THSD4: variants seen among roughly 807,000 people sequenced by gnomAD.
THSD4 encodes thrombospondin type 1 domain containing 4, also known as thrombospondin type-1 domain-containing protein 4.
THSD4 carries 69 observed loss-of-function variants against 119.0 expected under a neutral mutation model. The observed-to-expected ratio is 0.58, with a 90% CI of 0.48 to 0.71. The LOEUF (loss-of-function observed/expected upper bound fraction) is 0.71. Ranked by LOEUF, THSD4 falls within the 30% of genes least tolerant of loss-of-function variation. THSD4 has a pLI of 0.00. For synonymous variants in THSD4, 524 were observed against 540.4 expected, an observed-to-expected ratio of 0.97 and a Z score of 0.42; for missense variants, 1,393 against 1,391.1, an observed-to-expected ratio of 1.00 and a Z score of -0.02.
upstream of THSD4, chr15:71,110,854 G>T (rs909861595): frequency 2.5e-6 from 1 of 402,218 alleles, no homozygotes; most frequent in African/African-American, 2.0e-5. Context: ...ATAAATGAAG[G>T]ATAGACGGGA....
At chr15:71,307,206 A>G (rs2045042124) in intron 6 of THSD4, among the ~76,000 whole-genome samples, 1 of 152,176 alleles carries the variant, frequency 6.6e-6, no homozygotes. Context: ...GCCACGTGTT[A>G]AGGCTGGCTC....
intron 3 of THSD4, chr15:71,164,750 A>G: frequency 5.7e-6 from 9 of 1,586,316 alleles, no homozygotes; most frequent in Non-Finnish European, 7.7e-6. Flanking sequence ...ACAAGAAAAA[A>G]AAACTGCGCT....
upstream of THSD4, chr15:71,112,004 C>T: frequency 1.8e-6 from 2 of 1,133,376 alleles, no homozygotes; most frequent in East Asian, 2.6e-5. Flanking sequence ...CATAAGTTTC[C>T]CCCCAAAGGG....
intron 7 of THSD4, among the ~76,000 whole-genome samples, chr15:71,516,792 G>A (rs2048367807): frequency 1.3e-5 from 2 of 152,134 alleles, no homozygotes; most frequent in South Asian, 2.1e-4. Flanking sequence ...CTATCACATA[G>A]CTGTTAAAAT....
At chr15:71,547,347 TGCTAGCTGTTA>T (rs1199994260) in intron 7 of THSD4, 1 of 1,546,072 alleles carries the variant, frequency 6.5e-7, no homozygotes, top group Non-Finnish European at 8.7e-7. Flanking sequence ...CAAGTGCATC[TGCTAGCTGTTA>T]GCACTTGGCA....
chr15:71,560,706 G>A (rs1201007784), intron 7 of THSD4, among the ~76,000 whole-genome samples: 1 of 152,064 alleles, frequency 6.6e-6, no homozygotes, highest in African/African-American at 2.4e-5. Flanking sequence ...TTCTCTGTGT[G>A]GGTATGCTCT....
intron 7 of THSD4, among the ~76,000 whole-genome samples, chr15:71,611,575 G>C (rs2050229354): frequency 6.6e-6 from 1 of 152,214 alleles, no homozygotes; most frequent in Non-Finnish European, 1.5e-5. Flanking sequence ...AGAGCTCCCA[G>C]TCTAGACATA....
rs561983541 is a variant in THSD4, at chr15:71,678,748, C to G, written c.1357+18014C>G. On this transcript the variant is annotated intron_variant, in intron 8 of 17. Coordinates refer to ENST00000261862, the MANE Select transcript of THSD4 (RefSeq NM_024817.3). ...TACCCTACTCTGTCCCCAAGCCAGA[C>G]ACTATTCTCTGAATTAGAAACCATA... Among the ~76,000 whole-genome samples, 6 of 152,324 alleles carry G rather than the reference C, an allele frequency of 3.9e-5. No homozygotes were observed. The East Asian group carries it at 1.2e-3, about 29-fold the overall frequency.
chr15:71,239,860 C>A (rs1375380522), intron 4 of THSD4, among the ~76,000 whole-genome samples: 1 of 152,178 alleles, frequency 6.6e-6, no homozygotes, highest in Non-Finnish European at 1.5e-5. Flanking sequence ...TAGCTCTGAC[C>A]AGCTGTAAGG....
intron 7 of THSD4, among the ~76,000 whole-genome samples, chr15:71,603,754 A>T (rs770496376): frequency 1.3e-4 from 19 of 151,974 alleles, no homozygotes; most frequent in Non-Finnish European, 2.2e-4. Flanking sequence ...GAGAATTTGA[A>T]TTTGACGCAG....
At position 71,428,555 on chromosome 15, in the gene THSD4, C is replaced by T. The variant is rs148370679; in HGVS notation, c.1152+16732C>T. Among the ~76,000 whole-genome samples, 890 of 152,268 alleles carry T rather than the reference C, an allele frequency of 5.8e-3. 8 individuals carry two copies. The highest frequency in any genetic ancestry group is 9.6e-3 in the Non-Finnish European group (650 of 68,030). ...TCGTCACCTGAACACCATATTTGGA[C>T]ATCTCATTTAAATTCCTGGCAAAAT... On this transcript the variant is annotated intron_variant, in intron 7 of 17. Transcript: ENST00000261862.
chr15:71,517,479 A>G lies in THSD4; in HGVS notation c.1152+105656A>G, dbSNP rs550356948. Reference sequence around the variant, plus strand: ...CTTCCCAACCTTCTGAATCTCCCTCATTCAAAATTTAAGTATATTTGGATT... The same window carrying G: ...CTTCCCAACCTTCTGAATCTCCCTCGTTCAAAATTTAAGTATATTTGGATT... On this transcript the variant is annotated intron_variant, in intron 7 of 17. Transcript: ENST00000261862. Among the ~76,000 whole-genome samples, 6 of 152,258 alleles carry G rather than the reference A, an allele frequency of 3.9e-5. No homozygotes were observed. In the East Asian group the frequency reaches 1.2e-3, roughly 29 times the overall value.
chr15:71,305,337 T>C (rs1436372970), intron 6 of THSD4, among the ~76,000 whole-genome samples: 4 of 152,174 alleles, frequency 2.6e-5, no homozygotes, highest in Non-Finnish European at 5.9e-5. Flanking sequence ...AAGATGAAGA[T>C]ATATTCAATT....
intron 1 of THSD4, among the ~76,000 whole-genome samples, chr15:71,103,804 C>T (rs1888100473): frequency 6.6e-6 from 1 of 151,974 alleles, no homozygotes; most frequent in South Asian, 2.1e-4. Context: ...AGTTCCCCTG[C>T]ACCCCACTCT....
At position 71,721,506 on chromosome 15, in the gene THSD4, TAA is replaced by T. The variant is rs56273435; in HGVS notation, c.1358-7030_1358-7029del. 1.4e-3 allele frequency among the ~76,000 whole-genome samples: 197 copies of T among 143,620 alleles called. 1 individual carries two copies. Among genetic ancestry groups the T allele is most frequent in the Non-Finnish European group, 1.3e-3 (88 of 65,708 alleles). 94.2% of individuals were successfully genotyped at this position (143,620 alleles called of 152,430 possible). On this transcript the variant is annotated intron_variant, in intron 8 of 17. Transcript: ENST00000261862. ...CTAGTGACAGAGCGAGATTCTGTCT[TAA>T]AAAAAAAAAAAATTAGCTGGGTATG...
intron 6 of THSD4, among the ~76,000 whole-genome samples, chr15:71,386,188 A>T (rs1223372360): frequency 6.6e-6 from 1 of 152,208 alleles, no homozygotes; most frequent in Non-Finnish European, 1.5e-5. Flanking sequence ...TCTGCTGCCC[A>T]AATGTTAATG....
intron 7 of THSD4, among the ~76,000 whole-genome samples, chr15:71,568,821 A>G (rs1040535229): frequency 6.6e-6 from 1 of 152,064 alleles, no homozygotes; most frequent in Non-Finnish European, 1.5e-5. Context: ...GTTCCCACCT[A>G]TGAGTGAGAA....
chr15:71,564,065 T>C (rs2049177659), intron 7 of THSD4, among the ~76,000 whole-genome samples: 1 of 152,230 alleles, frequency 6.6e-6, no homozygotes, highest in South Asian at 2.1e-4. Context: ...GTAGAATAGA[T>C]TAGAAACCAA....
At chr15:71,162,022 C>T (rs2043253971) in intron 3 of THSD4, among the ~76,000 whole-genome samples, 2 of 151,932 alleles carry the variant, frequency 1.3e-5, no homozygotes, top group South Asian at 4.1e-4. Flanking sequence ...TTACATTTTT[C>T]TTTCACCCCC....
Sources: gnomAD v4.1 joint callset for allele counts (sites outside exome capture counted in the v4.1 genomes callset) on GRCh38, gnomAD v4.1.1 for gene constraint, MANE v1.5 for transcripts, NCBI Gene and HGNC (gene_info 2026-07-23, HGNC 2026-07-21) for gene names.